The following UBR1 variants were observed in gnomAD, a reference collection of about 807,000 sequenced individuals.
UBR1 encodes ubiquitin protein ligase E3 component n-recognin 1.
A neutral mutation model predicts 242.1 loss-of-function variants in UBR1; 102 were observed. The observed-to-expected ratio is 0.42, with a 90% CI of 0.36 to 0.50. The LOEUF is 0.50. Among genes scored for constraint, UBR1 ranks in the 20% least tolerant of loss-of-function variants. UBR1 has a pLI of 0.01. For missense variants in UBR1, 1,772 were observed against 2,101.8 expected, an observed-to-expected ratio of 0.84 and a Z score of 3.07; for synonymous variants, 675 against 684.8, an observed-to-expected ratio of 0.99 and a Z score of 0.22.
chr15:42,948,817 T>G (rs1279438287), intron 46 of UBR1, among the ~76,000 whole-genome samples: 2 of 152,116 alleles, frequency 1.3e-5, no homozygotes, highest in Non-Finnish European at 2.9e-5. Context: ...AGGAACACTT[T>G]TACACTGTTG....
chr15:42,955,120 C>T (rs531622436), intron 44 of UBR1, among the ~76,000 whole-genome samples: 10 of 152,224 alleles, frequency 6.6e-5, no homozygotes, highest in South Asian at 4.1e-4. Flanking sequence ...GAACTGATAT[C>T]GTGCCACTGC....
At chr15:43,041,048 A>T (rs1484371604) in intron 15 of UBR1, among the ~76,000 whole-genome samples, 1 of 152,184 alleles carries the variant, frequency 6.6e-6, no homozygotes, top group African/African-American at 2.4e-5. Context: ...TTCCTCAAGG[A>T]TCTAGAACTA....
rs1327261529 is a variant in UBR1 at position 43,070,678 on chromosome 15, C to G, written c.659+117G>C. On this transcript the variant is annotated intron_variant, in intron 5 of 46. Coordinates refer to ENST00000290650, the MANE Select transcript of UBR1 (RefSeq NM_174916.3). ...TGAAATATTCCCAAGAGATAAGTCA[C>G]TAAGAATTTTTCATAATGATAATTA... 4 of 1,463,060 alleles carry G rather than the reference C, an allele frequency of 2.7e-6. No homozygotes were observed. The East Asian group carries it at 9.1e-5, about 33-fold the overall frequency. 90.6% of individuals were successfully genotyped at this position (1,463,060 alleles called of 1,614,324 possible).
intron 26 of UBR1, among the ~76,000 whole-genome samples, chr15:43,022,078 G>C (rs1172135505): frequency 1.3e-5 from 2 of 152,002 alleles, no homozygotes; most frequent in African/African-American, 4.8e-5. Flanking sequence ...TGAAGTGGAG[G>C]ACTGTATATC....
At chr15:42,972,623 G>A (rs943097859) in intron 39 of UBR1, among the ~76,000 whole-genome samples, 1 of 152,100 alleles carries the variant, frequency 6.6e-6, no homozygotes, top group Admixed American at 6.6e-5. Flanking sequence ...CACCCGTCTT[G>A]TCCTCCCAAA....
rs1311689089 is a variant in UBR1 at position 43,048,470 on chromosome 15, G to A, written c.1461C>T (p.Pro487=). 1.9e-6 allele frequency: 3 copies of A among 1,613,566 alleles called. No individual in the cohort carries two copies. Among genetic ancestry groups the A allele is most frequent in the Non-Finnish European group, 2.5e-6 (3 of 1,179,786 alleles). The change falls in exon 13 of 47, where the codon CCC becomes CCT. Residue 487 remains proline, a synonymous_variant. Transcript: ENST00000290650. ...TTCTTAATCTTTCTGTCCATATTGT[G>A]GGTTTGCTGATCAGGATATACCTAT... ...CDLKYILISK[P]TIWTERLRMQ...
intron 4 of UBR1, 122 bp downstream of exon 4, chr15:43,074,857 A>G: frequency 2.5e-6 from 2 of 814,368 alleles, no homozygotes; most frequent in Non-Finnish European, 4.2e-6. Context: ...GCCTCCTTAC[A>G]CCTAAATATG....
chr15:43,017,550 G>A (rs948989185), intron 27 of UBR1, among the ~76,000 whole-genome samples: 4 of 151,960 alleles, frequency 2.6e-5, no homozygotes, highest in Admixed American at 1.3e-4. Context: ...AGGCGGAGGC[G>A]GGTAATCTCA....
At chr15:42,970,726 CTT>C (rs879184221) in intron 39 of UBR1, 119 bp from the exon 40 acceptor site, 3,946 of 716,960 alleles carry the variant, frequency 5.5e-3, no homozygotes, top group East Asian at 7.2e-3. Context: ...AGGTTCTTTC[CTT>C]TTTTTTTTTT....
At chr15:42,989,119 T>A in intron 34 of UBR1, 152 bp from the exon 35 acceptor site, 1 of 685,426 alleles carries the variant, frequency 1.5e-6, no homozygotes. Context: ...CCTCCAAAGA[T>A]TTATTCAGTT....
intron 1 of UBR1, among the ~76,000 whole-genome samples, chr15:43,097,637 G>A (rs1462833812): frequency 2.0e-5 from 3 of 152,180 alleles, no homozygotes; most frequent in East Asian, 1.9e-4. Flanking sequence ...ACTGCTTCAC[G>A]CTGCACTTTT....
chr15:43,009,914 G>A (rs552302730), intron 29 of UBR1, among the ~76,000 whole-genome samples: 5 of 152,158 alleles, frequency 3.3e-5, no homozygotes, highest in African/African-American at 4.8e-5. Flanking sequence ...CACTGTTGCC[G>A]GGCTGGAGTG....
chr15:43,002,829 C>T, intron 31 of UBR1, 125 bp from the exon 32 acceptor site: 1 of 1,168,910 alleles, frequency 8.6e-7, no homozygotes, highest in Non-Finnish European at 1.2e-6. Flanking sequence ...ATCTTTAGAA[C>T]ATACATGCAA....
At chr15:43,076,488 T>TG (rs1266815999) in intron 3 of UBR1, among the ~76,000 whole-genome samples, 1 of 149,586 alleles carries the variant, frequency 6.7e-6, no homozygotes, top group Non-Finnish European at 1.5e-5. Flanking sequence ...CCATCCCATC[T>TG]GGGAAGTGAG....
intron 37 of UBR1, 151 bp downstream of exon 37, chr15:42,983,746 C>A (rs536095174): frequency 3.4e-4 from 112 of 332,816 alleles, no homozygotes; most frequent in African/African-American, 2.2e-3. Context: ...CTGTTTTTTG[C>A]ATGGCTTCTG....
intron 28 of UBR1, among the ~76,000 whole-genome samples, chr15:43,016,380 T>A (rs2033023993): frequency 6.6e-6 from 1 of 152,206 alleles, no homozygotes; most frequent in Non-Finnish European, 1.5e-5. Flanking sequence ...ATTATTCTAA[T>A]AATACAAATT....
chr15:42,948,319 A>T (rs1423484393), intron 46 of UBR1, among the ~76,000 whole-genome samples: 1 of 152,072 alleles, frequency 6.6e-6, no homozygotes, highest in Non-Finnish European at 1.5e-5. Context: ...ACCTAAAACC[A>T]TAAAAACCCT....
In UBR1 at chr15:43,007,028, C is replaced by T. The variant is rs776932720; in HGVS notation, c.3415+51G>A. 17 of 1,569,172 alleles carry T rather than the reference C, an allele frequency of 1.1e-5. 1 individual carries two copies. In the Admixed American group the frequency reaches 1.3e-4, roughly 12 times the overall value. On this transcript the variant is annotated intron_variant, in intron 30 of 46. Transcript: ENST00000290650. ...TTTCAAATAGTATTTTCTTTAATTA[C>T]ACAGGCATGAAAAGAAATGCACAAA... is the stretch of plus-strand genomic sequence containing the variant.
At chr15:43,005,376 T>TG (rs1347206168) in intron 30 of UBR1, among the ~76,000 whole-genome samples, 2 of 126,060 alleles carry the variant, frequency 1.6e-5, no homozygotes, top group African/African-American at 3.1e-5. Context: ...GGGAGGGAGG[T>TG]GAGGGGCAGC....
Sources: gnomAD v4.1 joint callset for allele counts (sites outside exome capture counted in the v4.1 genomes callset) on GRCh38, gnomAD v4.1.1 for gene constraint, MANE v1.5 for transcripts, NCBI Gene and HGNC (gene_info 2026-07-23, HGNC 2026-07-21) for gene names.